The following CREBL2 variants were observed in gnomAD, a reference collection of about 807,000 sequenced individuals.
CREBL2 encodes the protein cAMP-responsive element-binding protein-like 2.
CREBL2 carries 4 observed loss-of-function variants against 19.5 expected under a neutral mutation model. The ratio of observed to expected loss-of-function variants is 0.20; its 90% CI spans 0.10 to 0.47. CREBL2 has a LOEUF of 0.47. CREBL2 is among the 20% of genes least tolerant of loss of function. The pLI is 0.98. For missense variants in CREBL2, 85 were observed against 145.1 expected, an observed-to-expected ratio of 0.59 and a Z score of 2.13; for synonymous variants, 42 against 46.6, an observed-to-expected ratio of 0.90 and a Z score of 0.40.
rs1945270822 is a variant in CREBL2 at position 12,612,050 on chromosome 12, C to G, written c.-123C>G. 4 of 1,180,510 alleles carry G rather than the reference C, an allele frequency of 3.4e-6. No individual in the cohort carries two copies. The highest frequency in any genetic ancestry group is 4.9e-6 in the Non-Finnish European group (4 of 813,148). The allele number at this position is 1,180,510 out of a possible 1,614,324, so 73.1% of individuals were successfully genotyped here. On this transcript the variant is annotated 5_prime_UTR_variant, in exon 1 of 4. Transcript: ENST00000228865. The stretch of plus-strand genomic sequence containing the variant: ...GGCATCAGGGAAGCGAACTGTTAGG[C>G]GAGAGGAGGAGGCAGCCAGAACCAT...
intron 1 of CREBL2, among the ~76,000 whole-genome samples, chr12:12,634,612 A>C (rs1302014928): frequency 2.0e-5 from 3 of 152,228 alleles, no homozygotes. Flanking sequence ...ATTTATAATT[A>C]CACCTATCAG....
chr12:12,637,357 G>A (rs1223978293), intron 2 of CREBL2, among the ~76,000 whole-genome samples: 3 of 151,834 alleles, frequency 2.0e-5, no homozygotes, highest in African/African-American at 4.8e-5. Flanking sequence ...CAGTTTTTCC[G>A]CCTCTTCTGA....
intron 1 of CREBL2, among the ~76,000 whole-genome samples, chr12:12,617,361 G>T (rs1326213159): frequency 6.6e-6 from 1 of 152,166 alleles, no homozygotes; most frequent in Non-Finnish European, 1.5e-5. Context: ...GTGTTAAGTA[G>T]CAGAGCTCAA....
chr12:12,637,828 C>T lies in CREBL2; in HGVS notation c.358+114C>T, dbSNP rs138093709. 5.5e-3 allele frequency: 6,492 copies of T among 1,176,602 alleles called. 25 individuals are homozygous for T. Among genetic ancestry groups the T allele is most frequent in the Middle Eastern group, 6.3e-3 (28 of 4,450 alleles). The allele number at this position is 1,176,602 out of a possible 1,614,324, so 72.9% of individuals were successfully genotyped here. ...GGCCGAGGTGGGCAGATCGCTTGAG[C>T]CCAGGAGTTCAAGACCAGACAGGGC... On this transcript the variant is annotated intron_variant, in intron 3 of 3. Transcript: ENST00000228865.
chr12:12,632,459 G>C (rs1945448945), intron 1 of CREBL2: 2 of 152,128 alleles, frequency 1.3e-5, no homozygotes, highest in Non-Finnish European at 2.9e-5. Flanking sequence ...AAGGGTTATA[G>C]CTTTTATTTT....
In CREBL2 at chr12:12,642,947, A is replaced by T. The variant is rs1273499417; in HGVS notation, c.*949A>T. On this transcript the variant is annotated 3_prime_UTR_variant, in exon 4 of 4. Coordinates refer to ENST00000228865, the MANE Select transcript of CREBL2 (RefSeq NM_001310.4). ...GGAGAATGTTTCTGAAGAAAATTGG[A>T]TGAAATTAGCTGCTGAGATTGAGTT... The T allele has an allele frequency of 2.6e-5, 4 of 152,654 alleles. No homozygotes were observed. Among genetic ancestry groups the T allele is most frequent in the Non-Finnish European group, 5.9e-5 (4 of 68,048 alleles). The allele number at this position is 152,654 out of a possible 1,614,324, so 9.5% of individuals were successfully genotyped here.
In CREBL2 at chr12:12,637,587, G is replaced by A. The variant is rs755679586; in HGVS notation, c.231G>A (p.Met77Ile). 1.9e-6 allele frequency: 3 copies of A among 1,588,090 alleles called. No homozygotes were observed. Among genetic ancestry groups the A allele is most frequent in the South Asian group, 2.3e-5 (2 of 86,822 alleles). Residue 77 changes from methionine (M) to isoleucine (I), a missense_variant, in exon 3 of 4, where the codon ATG (methionine) becomes ATA (isoleucine). By Grantham distance (10) the Met-to-Ile change is conservative. This residue lies in a region of CREBL2 where 22 missense variants were observed against 46.7 expected (regional missense o/e 0.47). Coordinates refer to ENST00000228865, the MANE Select transcript of CREBL2 (RefSeq NM_001310.4). Reference protein sequence around the residue: ...EELEMYKQWCMAMDQGKIPSE... With the variant: ...EELEMYKQWCIAMDQGKIPSE... Reference sequence around the variant, plus strand: ...TGTTTCAGTACAAGCAGTGGTGCATGGCAATGGACCAAGGAAAAATCCCTT... The same window carrying A: ...TGTTTCAGTACAAGCAGTGGTGCATAGCAATGGACCAAGGAAAAATCCCTT...
At chr12:12,614,961 G>A (rs143347848) in intron 1 of CREBL2, 199 of 203,606 alleles carry the variant, frequency 9.8e-4, no homozygotes, top group African/African-American at 4.1e-3. Context: ...GGATTTAAGC[G>A]ATTCTCCAGC....
intron 3 of CREBL2, among the ~76,000 whole-genome samples, chr12:12,641,254 T>TTATTATTATTA (rs1379727723): frequency 1.5e-5 from 1 of 68,706 alleles, no homozygotes; most frequent in African/African-American, 5.2e-5. Flanking sequence ...ATTATTATTA[T>TTATTATTATTA]TTTTTTTTAT....
At chr12:12,619,069 G>A (rs1945340022) in intron 1 of CREBL2, among the ~76,000 whole-genome samples, 1 of 50,204 alleles carries the variant, frequency 2.0e-5, no homozygotes, top group African/African-American at 4.0e-5. Flanking sequence ...AGGAGGGAGA[G>A]GGAGAGGAGG....
intron 1 of CREBL2, among the ~76,000 whole-genome samples, chr12:12,629,116 A>G (rs1444906342): frequency 6.6e-6 from 1 of 152,144 alleles, no homozygotes; most frequent in African/African-American, 2.4e-5. Flanking sequence ...TCGTATTTCC[A>G]TGTGAACTTT....
intron 1 of CREBL2, chr12:12,614,817 A>G: frequency 2.8e-6 from 1 of 361,750 alleles, no homozygotes; most frequent in Non-Finnish European, 5.4e-6. Flanking sequence ...AACATTGTAG[A>G]CTCTTCCAGT....
At chr12:12,616,667 C>A (rs1945313728) in intron 1 of CREBL2, among the ~76,000 whole-genome samples, 1 of 152,198 alleles carries the variant, frequency 6.6e-6, no homozygotes, top group African/African-American at 2.4e-5. Context: ...CAGCTCCCAG[C>A]CCTGCGTTTT....
intron 1 of CREBL2, among the ~76,000 whole-genome samples, chr12:12,613,223 A>G (rs1007392623): frequency 1.3e-5 from 2 of 152,160 alleles, no homozygotes; most frequent in African/African-American, 4.8e-5. Flanking sequence ...TTATTTCCTG[A>G]AGATAGGGAT....
chr12:12,621,523 CAAAA>C (rs61201510), intron 1 of CREBL2, among the ~76,000 whole-genome samples: 6 of 64,876 alleles, frequency 9.2e-5, no homozygotes, highest in African/African-American at 2.9e-4. Context: ...CGTCTCAAAC[CAAAA>C]AAAAAAAAAA....
intron 1 of CREBL2, among the ~76,000 whole-genome samples, chr12:12,619,074 AGGAGGGAG>A (rs1566105571): frequency 2.0e-5 from 3 of 151,610 alleles, no homozygotes; most frequent in Non-Finnish European, 4.4e-5. Flanking sequence ...GGAGAGGGAG[AGGAGGGAG>A]AGGAGGGAGA....
chr12:12,620,324 C>G (rs1431838067), intron 1 of CREBL2, among the ~76,000 whole-genome samples: 2 of 152,130 alleles, frequency 1.3e-5, no homozygotes, highest in African/African-American at 4.8e-5. Flanking sequence ...GCCTCCACCT[C>G]CCTGGCTCAA....
At chr12:12,632,068 CTTTTTTTTTTTTTT>C (rs869253910) in intron 1 of CREBL2, among the ~76,000 whole-genome samples, 5 of 80,626 alleles carry the variant, frequency 6.2e-5, no homozygotes, top group South Asian at 5.1e-4. Flanking sequence ...CTATGCCTTT[CTTTTTTTTTTTTTT>C]TTTTTTTTTT....
intron 3 of CREBL2, among the ~76,000 whole-genome samples, chr12:12,641,152 T>G (rs1945513647): frequency 6.6e-6 from 1 of 151,158 alleles, no homozygotes; most frequent in Admixed American, 6.6e-5. Context: ...AATGAATATG[T>G]CCTATGTTGA....
Sources: gnomAD v4.1 joint callset for allele counts (sites outside exome capture counted in the v4.1 genomes callset) on GRCh38, gnomAD v4.1.1 for gene constraint, gnomAD v4.1.1 regional missense constraint, MANE v1.5 for transcripts, NCBI Gene and HGNC (gene_info 2026-07-23, HGNC 2026-07-21) for gene names.